BAG4: variants seen among roughly 807,000 people sequenced by gnomAD.
BAG4 encodes BAG cochaperone 4, also known as BAG family molecular chaperone regulator 4.
In BAG4, 28 loss-of-function variants were observed where a neutral mutation model predicts 52.1. The observed-to-expected ratio is 0.54, with a 90% confidence interval of 0.40 to 0.74. The LOEUF (loss-of-function observed/expected upper bound fraction) is 0.74, where lower values mean the gene tolerates loss of function less well. Among genes scored for constraint, BAG4 ranks in the 30% least tolerant of loss-of-function variants. The pLI is 0.00. For synonymous variants in BAG4, 208 were observed against 217.0 expected, an observed-to-expected ratio of 0.96 and a Z score of 0.37; for missense variants, 525 against 572.0, an observed-to-expected ratio of 0.92 and a Z score of 0.84.
At chr8:38,199,054 G>C (rs138462368) in intron 2 of BAG4, among the ~76,000 whole-genome samples, 94 of 152,244 alleles carry the variant, frequency 6.2e-4, no homozygotes, top group African/African-American at 1.3e-3. Context: ...AACAAATGTC[G>C]TATGTAGTAA....
At chr8:38,198,813 G>A (rs1452411631) in intron 2 of BAG4, among the ~76,000 whole-genome samples, 1 of 152,038 alleles carries the variant, frequency 6.6e-6, no homozygotes, top group Non-Finnish European at 1.5e-5. Context: ...AACTGTTTGT[G>A]TTAAAAAGGG....
chr8:38,186,363 TAG>T (rs1369674821), intron 1 of BAG4, among the ~76,000 whole-genome samples: 4 of 152,274 alleles, frequency 2.6e-5, no homozygotes, highest in Middle Eastern at 3.4e-3. Flanking sequence ...ACTCTAGCTG[TAG>T]AGAGTGGCTC....
intron 2 of BAG4, among the ~76,000 whole-genome samples, chr8:38,194,768 T>C (rs549685085): frequency 6.6e-6 from 1 of 151,688 alleles, no homozygotes; most frequent in Admixed American, 6.6e-5. Context: ...ATGGTTGTAC[T>C]AACAAAGGAG....
intron 2 of BAG4, chr8:38,202,023 A>G (rs1454176172): frequency 6.7e-6 from 1 of 150,264 alleles, no homozygotes; most frequent in East Asian, 2.0e-4. Context: ...TTTGAACTAA[A>G]GCCTTCCTCA....
chr8:38,179,525 G>A (rs1396762106), intron 1 of BAG4, among the ~76,000 whole-genome samples: 2 of 151,382 alleles, frequency 1.3e-5, no homozygotes, highest in Non-Finnish European at 1.5e-5. Flanking sequence ...CAGCACTTTG[G>A]GAGTCCAAGG....
intron 1 of BAG4, among the ~76,000 whole-genome samples, chr8:38,186,299 G>A (rs1440655401): frequency 3.3e-5 from 5 of 152,070 alleles, no homozygotes; most frequent in Non-Finnish European, 7.4e-5. Flanking sequence ...CTTCCCGTGG[G>A]TACTCCACTT....
chr8:38,211,521 A>G lies in BAG4; in HGVS notation c.*1028A>G. On this transcript the variant is annotated 3_prime_UTR_variant, in exon 5 of 5. Transcript: ENST00000287322. ...AAGTAATAAATATGATTACTTGGTA[A>G]TATCATTCTCCATCTAAAATACTAG... The G allele has an allele frequency of 6.6e-6, 1 of 152,036 alleles. No individual in the cohort carries two copies. Among genetic ancestry groups the G allele is most frequent in the East Asian group, 1.9e-4 (1 of 5,194 alleles). 9.4% of individuals were successfully genotyped at this position (152,036 alleles called of 1,614,324 possible).
At chr8:38,178,901 G>C (rs770292220) in intron 1 of BAG4, among the ~76,000 whole-genome samples, 2 of 152,146 alleles carry the variant, frequency 1.3e-5, no homozygotes, top group Admixed American at 1.3e-4. Flanking sequence ...TTGAGTTGCC[G>C]AGGCTGGAGG....
chr8:38,188,899 T>C (rs1258657576), intron 1 of BAG4, among the ~76,000 whole-genome samples: 1 of 151,734 alleles, frequency 6.6e-6, no homozygotes, highest in Non-Finnish European at 1.5e-5. Context: ...GTTCAAGCAA[T>C]TTTCCTGCCT....
At chr8:38,181,162 C>G (rs1283792285) in intron 1 of BAG4, among the ~76,000 whole-genome samples, 1 of 150,650 alleles carries the variant, frequency 6.6e-6, no homozygotes, top group Non-Finnish European at 1.5e-5. Flanking sequence ...AGGATGGTAT[C>G]GATCTCCTGA....
At chr8:38,196,414 G>A (rs1563282546) in intron 2 of BAG4, among the ~76,000 whole-genome samples, 4 of 152,134 alleles carry the variant, frequency 2.6e-5, no homozygotes. Context: ...AGCACTTTGG[G>A]AGGCCGAGGC....
At chr8:38,201,857 TATATATATATATATATATATATA>T (rs1563284021) in intron 2 of BAG4, 1,871 of 11,132 alleles carry the variant, frequency 0.17, 65 homozygotes, top group Non-Finnish European at 0.28. Context: ...TATATATATA[TATATATATATATATATATATATA>T]TTTTTTTTTT....
intron 2 of BAG4, chr8:38,201,685 T>C (rs1258543287): frequency 6.6e-6 from 1 of 151,758 alleles, no homozygotes; most frequent in African/African-American, 2.4e-5. Context: ...GTATCATGTC[T>C]TTACCTTCCG....
chr8:38,209,154 T>C lies in BAG4; in HGVS notation c.775T>C (p.Ser259Pro). Residue 259 changes from serine to proline, a missense_variant, in exon 4 of 5, where the codon TCA becomes CCA. Coordinates refer to ENST00000287322, the MANE Select transcript of BAG4 (RefSeq NM_004874.4). ...AATGGGTGGCCGTTATCCCTGGCCT[T>C]CATCAGCGCCCTCAGCACCACCCGG... ...YGMGGRYPWP[S>P]SAPSAPPGNL... is the part of the protein sequence containing the mutation. 6.2e-7 allele frequency: 1 copy of C among 1,614,132 alleles called. No individual in the cohort carries two copies. The highest frequency in any genetic ancestry group is 1.1e-5 in the South Asian group (1 of 91,072).
At chr8:38,196,805 G>A (rs1466288875) in intron 2 of BAG4, among the ~76,000 whole-genome samples, 7 of 151,998 alleles carry the variant, frequency 4.6e-5, no homozygotes, top group Non-Finnish European at 8.8e-5. Context: ...GGCCTGGTGC[G>A]GTGGCTCACA....
In BAG4 at chr8:38,207,710, T is replaced by G. The variant is rs139408020; in HGVS notation, c.577T>G (p.Cys193Gly). 62 of 1,614,208 alleles carry G rather than the reference T, an allele frequency of 3.8e-5. No homozygotes were observed. The highest frequency in any genetic ancestry group is 5.2e-5 in the Non-Finnish European group (61 of 1,180,024). The change falls in exon 3 of 5, where the codon TGT (cysteine) becomes GGT (glycine). Residue 193 changes from cysteine to glycine, a missense_variant. Physicochemically the swap from Cys to Gly is radical, Grantham distance 159 (BLOSUM62 -3). Around this residue, in one of 2 missense-constraint regions of BAG4, gnomAD observed 287 missense variants for 266.1 expected, o/e 1.08. Transcript: ENST00000287322. Reference sequence around the variant, plus strand: ...TCGTTGGATCTATCCCCAGCAGGACTGTCAGACTGAAGCACCCCCTCTTAG... The same window carrying G: ...TCGTTGGATCTATCCCCAGCAGGACGGTCAGACTGAAGCACCCCCTCTTAG... ...VSRWIYPQQD[C>G]QTEAPPLRGQ... is the part of the protein sequence containing the mutation.
chr8:38,210,563 T>G lies in BAG4; in HGVS notation c.*70T>G. On this transcript the variant is annotated 3_prime_UTR_variant, in exon 5 of 5. Transcript: ENST00000287322. ...GAACACTTGATTTGGTTAATTACCCTCTTTTTGAAATGCCTGTTGATGACA... is the reference window on the plus strand; with the variant it reads ...GAACACTTGATTTGGTTAATTACCCGCTTTTTGAAATGCCTGTTGATGACA... 1 of 1,489,866 alleles carries G rather than the reference T, an allele frequency of 6.7e-7. No individual in the cohort carries two copies. The highest frequency in any genetic ancestry group is 8.9e-7 in the Non-Finnish European group (1 of 1,118,026). The allele number at this position is 1,489,866 out of a possible 1,614,324, so 92.3% of individuals were successfully genotyped here.
At chr8:38,206,577 A>G (rs1475204358) in intron 2 of BAG4, among the ~76,000 whole-genome samples, 7 of 152,098 alleles carry the variant, frequency 4.6e-5, no homozygotes, top group African/African-American at 1.7e-4. Flanking sequence ...TAATACAAAT[A>G]ATTACCATTT....
At position 38,207,548 on chromosome 8, in the gene BAG4, A is replaced by G. The variant is rs192353336; in HGVS notation, c.415A>G (p.Thr139Ala). 5 of 1,613,788 alleles carry G rather than the reference A, an allele frequency of 3.1e-6. No individual in the cohort carries two copies. The African/African-American group carries it at 6.7e-5, about 22-fold the overall frequency. ...NSYTNGAYGP[T>A]YPPGPGANTA... ...TTATACAAATGGAGCGTATGGTCCAACATACCCCCCAGGCCCTGGGGCAAA... is the reference window on the plus strand; with the variant it reads ...TTATACAAATGGAGCGTATGGTCCAGCATACCCCCCAGGCCCTGGGGCAAA... Residue 139 changes from threonine (T) to alanine (A), a missense_variant, in exon 3 of 5, where the codon ACA becomes GCA. By Grantham distance (58) the Thr-to-Ala change is moderately conservative. Around this residue, in one of 2 missense-constraint regions of BAG4, gnomAD observed 287 missense variants for 266.1 expected, o/e 1.08. Transcript: ENST00000287322.
Sources: allele counts gnomAD v4.1 joint callset (sites outside exome capture counted in the v4.1 genomes callset), GRCh38; gene constraint gnomAD v4.1.1; regional missense constraint gnomAD v4.1.1; transcripts MANE v1.5; gene names NCBI Gene and HGNC (gene_info 2026-07-23, HGNC 2026-07-21).